EMILIN1: variants seen among roughly 807,000 people sequenced by gnomAD.
EMILIN1 encodes the protein EMILIN-1.
In EMILIN1, 49 loss-of-function variants were observed where a neutral mutation model predicts 82.4. The observed-to-expected ratio is 0.59, with a 90% CI of 0.47 to 0.75. The LOEUF (loss-of-function observed/expected upper bound fraction) is 0.75. EMILIN1 is among the 30% of genes least tolerant of loss of function. The probability of loss-of-function intolerance (pLI) is 0.00; values close to 1 mark genes in which losing one functional copy is unlikely to be tolerated. For synonymous variants in EMILIN1, 604 were observed against 602.2 expected (o/e 1.00, Z -0.04); for missense variants, 1,313 against 1,366.4 (o/e 0.96, Z 0.62).
Position 27,083,829 on chromosome 2 carries a change from G to C in EMILIN1, c.2258G>C (p.Arg753Thr). The C allele has an allele frequency of 6.3e-7, 1 of 1,598,860 alleles. No individual in the cohort carries two copies. The highest frequency in any genetic ancestry group is 2.3e-5 in the East Asian group (1 of 44,424). The change falls in exon 4 of 8, where the codon AGA (arginine) becomes ACA (threonine). Residue 753 changes from arginine to threonine, a missense_variant. Coordinates refer to ENST00000380320, the MANE Select transcript of EMILIN1 (RefSeq NM_007046.4). ...GLQGLREGLS[R>T]HVAGLWAGLR... Reference sequence around the variant, plus strand: ...CAGGGCCTGCGCGAGGGCCTTTCCAGACACGTGGCTGGGCTCTGGGCTGGG... The same window carrying C: ...CAGGGCCTGCGCGAGGGCCTTTCCACACACGTGGCTGGGCTCTGGGCTGGG...
At chr2:27,085,107 G>T (rs1669578664) in intron 6 of EMILIN1, 53 bp from the exon 7 acceptor site, 1 of 1,613,368 alleles carries the variant, frequency 6.2e-7, no homozygotes, top group Non-Finnish European at 8.5e-7. Flanking sequence ...CAGGGGAAGG[G>T]GGCTGGCACT....
chr2:27,083,089 C>T lies in EMILIN1; in HGVS notation c.1518C>T (p.Asp506=), dbSNP rs1380283849. ...ILSALERRVL[D]SEGQLRLVGS... ...GTGCCTTGGAGCGCAGGGTGCTGGA[C>T]AGTGAGGGGCAGCTGCGGCTGGTGG... Residue 506 remains aspartate, a synonymous_variant, in exon 4 of 8, where the codon GAC becomes GAT. Transcript: ENST00000380320. 1 of 1,559,866 alleles carries T rather than the reference C, an allele frequency of 6.4e-7. No individual in the cohort carries two copies. The highest frequency in any genetic ancestry group is 1.4e-5 in the African/African-American group (1 of 73,732).
intron 1 of EMILIN1, among the ~76,000 whole-genome samples, 178 bp from the exon 2 acceptor site, chr2:27,079,973 C>T (rs1379888642): frequency 1.3e-5 from 2 of 152,254 alleles, no homozygotes; most frequent in Non-Finnish European, 2.9e-5. Flanking sequence ...TTTATCTGCT[C>T]CTGCTACACA....
chr2:27,083,017 CTCTGG>C lies in EMILIN1; in HGVS notation c.1447_1451del (p.Ser483GlyfsTer24). On this transcript the variant is annotated frameshift_variant, in exon 4 of 8. Coordinates refer to ENST00000380320, the MANE Select transcript of EMILIN1 (RefSeq NM_007046.4). LOFTEE classifies it high-confidence loss of function. ...CCATGCAGGCATGCGGGCAGCTCTG[CTCTGG>C]GGCCCCTGGGGAGCAGGACTCTCAA... The C allele has an allele frequency of 6.4e-7, 1 of 1,555,282 alleles. No homozygotes were observed. The highest frequency in any genetic ancestry group is 8.7e-7 in the Non-Finnish European group (1 of 1,150,804).
In EMILIN1 at chr2:27,080,811, T is replaced by C. The variant is rs747792152; in HGVS notation, c.370T>C (p.Tyr124His). 20 of 1,613,590 alleles carry C rather than the reference T, an allele frequency of 1.2e-5. No individual in the cohort carries two copies. Among genetic ancestry groups the C allele is most frequent in the Non-Finnish European group, 1.6e-5 (19 of 1,179,956 alleles). Residue 124 changes from tyrosine to histidine, a missense_variant, in exon 3 of 8, where the codon TAT becomes CAT. By Grantham distance (83) the Tyr-to-His change is moderately conservative. Transcript: ENST00000380320. The part of the protein sequence containing the change: ...TDMEWRCCQG[Y>H]GGDDCAESPA... ...CATGGAGTGGAGGTGCTGTCAGGGT[T>C]ATGGGGGCGATGACTGTGCTGAGAG...
At position 27,082,690 on chromosome 2, in the gene EMILIN1, C is replaced by G; in HGVS notation, c.1119C>G (p.Ala373=). 1 of 1,553,788 alleles carries G rather than the reference C, an allele frequency of 6.4e-7. No homozygotes were observed. Among genetic ancestry groups the G allele is most frequent in the Non-Finnish European group, 8.7e-7 (1 of 1,153,262 alleles). ...AELERRLDVV[A]GSVTVLSGRR... ...TGGAGCGCAGGCTGGATGTCGTGGC[C>G]GGCTCAGTGACAGTGCTGAGTGGGC... The change falls in exon 4 of 8, where the codon GCC becomes GCG. Residue 373 remains alanine, a synonymous_variant. Coordinates refer to ENST00000380320, the MANE Select transcript of EMILIN1 (RefSeq NM_007046.4).
In EMILIN1 at chr2:27,078,914, A is replaced by T; in HGVS notation, c.-152A>T. The T allele has an allele frequency of 1.8e-6, 1 of 554,928 alleles. No homozygotes were observed. Among genetic ancestry groups the T allele is most frequent in the Non-Finnish European group, 3.1e-6 (1 of 325,584 alleles). The allele number at this position is 554,928 out of a possible 1,614,324, so 34.4% of individuals were successfully genotyped here. A position where few individuals can be genotyped will look rare whatever the true frequency, so the allele number is the denominator to read the frequency against. On this transcript the variant is annotated 5_prime_UTR_variant, in exon 1 of 8. Coordinates refer to ENST00000380320, the MANE Select transcript of EMILIN1 (RefSeq NM_007046.4). ...GAGGGGTCAGGCCAGGCAGCCAAGG[A>T]GAAGACGTGTGGCCGGGGGCTATCA...
intron 1 of EMILIN1, among the ~76,000 whole-genome samples, chr2:27,079,846 G>A (rs1669443276): frequency 1.3e-5 from 2 of 152,194 alleles, no homozygotes; most frequent in African/African-American, 4.8e-5. Context: ...ACTGAGACAG[G>A]CCCAGAAAGG....
In EMILIN1 at chr2:27,082,510, C is replaced by T. The variant is rs1669498120; in HGVS notation, c.939C>T (p.Arg313=). 2.6e-6 allele frequency: 4 copies of T among 1,545,982 alleles called. No individual in the cohort carries two copies. In the African/African-American group the frequency reaches 5.5e-5, roughly 21 times the overall value. The change falls in exon 4 of 8, where the codon CGC becomes CGT. Residue 313 remains arginine (R), a synonymous_variant. Coordinates refer to ENST00000380320, the MANE Select transcript of EMILIN1 (RefSeq NM_007046.4). The stretch of plus-strand genomic sequence containing the variant: ...GCCTGGCCGGGCTAGATGGCTTCCG[C>T]CGGCAGCAGCAGGAGGACAGGGAGC... ...SVCLAGLDGF[R]RQQQEDRERL...
rs557019258 is a variant in EMILIN1 at position 27,082,530 on chromosome 2, G to C, written c.959G>C (p.Arg320Thr). The C allele has an allele frequency of 6.5e-7, 1 of 1,543,834 alleles. No homozygotes were observed. Among genetic ancestry groups the C allele is most frequent in the East Asian group, 2.5e-5 (1 of 40,784 alleles). Residue 320 changes from arginine (R) to threonine (T), a missense_variant, in exon 4 of 8, where the codon AGG becomes ACG. Physicochemically the swap from Arg to Thr is moderately conservative, Grantham distance 71. Coordinates refer to ENST00000380320, the MANE Select transcript of EMILIN1 (RefSeq NM_007046.4). ...DGFRRQQQED[R>T]ERLRAMEKLL... ...TTCCGCCGGCAGCAGCAGGAGGACA[G>C]GGAGCGGCTGCGAGCGATGGAGAAG...
intron 1 of EMILIN1, among the ~76,000 whole-genome samples, chr2:27,079,629 G>A (rs1364364673): frequency 6.6e-6 from 1 of 152,312 alleles, no homozygotes; most frequent in Middle Eastern, 3.4e-3. Flanking sequence ...CAGCCCTCCA[G>A]CCAGACACAG....
rs1669516207 is a variant in EMILIN1 at position 27,083,195 on chromosome 2, C to T, written c.1624C>T (p.Leu542Phe). ...GGGATTACAAGAGGTTGTGGGCCGG[C>T]TCCAGGATCGTGTGGATGCCCAGGA... Reference protein sequence around the residue: ...LEGLQEVVGRLQDRVDAQDET... With the variant: ...LEGLQEVVGRFQDRVDAQDET... The change falls in exon 4 of 8, where the codon CTC (leucine) becomes TTC (phenylalanine). Residue 542 changes from leucine to phenylalanine, a missense_variant. Transcript: ENST00000380320. 1.2e-6 allele frequency: 2 copies of T among 1,611,406 alleles called. No homozygotes were observed. The highest frequency in any genetic ancestry group is 2.7e-5 in the African/African-American group (2 of 74,864).
At chr2:27,081,506 G>A (rs1669476481) in intron 3 of EMILIN1, among the ~76,000 whole-genome samples, 1 of 152,156 alleles carries the variant, frequency 6.6e-6, no homozygotes, top group African/African-American at 2.4e-5. Context: ...TATGCAAACA[G>A]GAACTCCTGG....
rs202019073 is a variant in EMILIN1 at position 27,085,859 on chromosome 2, G to C, written c.2895G>C (p.Pro965=). The change falls in exon 8 of 8, where the codon CCG becomes CCC. Residue 965 remains proline, a synonymous_variant. Transcript: ENST00000380320. ...NKPVAESQPS[P]GTLGVFSLIL... ...CGGTGGCCGAGAGCCAGCCCAGCCC[G>C]GGCACCCTGGGCGTCTTCAGCCTCA... is the stretch of plus-strand genomic sequence containing the variant. 345 of 1,601,864 alleles carry C rather than the reference G, an allele frequency of 2.2e-4. No individual in the cohort carries two copies. The African/African-American group carries it at 4.2e-3, about 20-fold the overall frequency.
At position 27,086,004 on chromosome 2, in the gene EMILIN1, G is replaced by A. The variant is rs1412741932; in HGVS notation, c.3040G>A (p.Glu1014Lys). ...GALLYGDPEL[E>K]HA Reference sequence around the variant, plus strand: ...CCTGCTCTATGGGGACCCAGAGCTTGAACACGCGTAGACTGGGGTCCCGCC... The same window carrying A: ...CCTGCTCTATGGGGACCCAGAGCTTAAACACGCGTAGACTGGGGTCCCGCC... Residue 1014 changes from glutamate to lysine, a missense_variant, in exon 8 of 8, where the codon GAA becomes AAA. Coordinates refer to ENST00000380320, the MANE Select transcript of EMILIN1 (RefSeq NM_007046.4). 6.9e-7 allele frequency: 1 copy of A among 1,456,484 alleles called. No individual in the cohort carries two copies. The highest frequency in any genetic ancestry group is 2.5e-5 in the East Asian group (1 of 39,834). 90.2% of individuals were successfully genotyped at this position (1,456,484 alleles called of 1,614,324 possible). A position where few individuals can be genotyped will look rare whatever the true frequency, so the allele number is the denominator to read the frequency against.
At chr2:27,081,043 C>A in intron 3 of EMILIN1, 91 bp downstream of exon 3, 1 of 1,000,812 alleles carries the variant, frequency 1.0e-6, no homozygotes, top group Non-Finnish European at 1.5e-6. Flanking sequence ...GGGGAGTCCC[C>A]CGTGCTCTAT....
chr2:27,084,153 A>C (rs1223662194), intron 4 of EMILIN1, 142 bp downstream of exon 4: 14 of 1,025,962 alleles, frequency 1.4e-5, no homozygotes, highest in Non-Finnish European at 1.8e-5. Context: ...TCCAGGTGTT[A>C]TAGTTTGCCT....
intron 1 of EMILIN1, among the ~76,000 whole-genome samples, chr2:27,079,939 C>T (rs547506457): frequency 1.3e-5 from 2 of 152,228 alleles, no homozygotes; most frequent in Non-Finnish European, 2.9e-5. Flanking sequence ...TTCCATTCTG[C>T]GCGTCTCCCC....
At position 27,082,140 on chromosome 2, in the gene EMILIN1, A is replaced by G; in HGVS notation, c.569A>G (p.Lys190Arg). 1 of 1,613,744 alleles carries G rather than the reference A, an allele frequency of 6.2e-7. No homozygotes were observed. Among genetic ancestry groups the G allele is most frequent in the Non-Finnish European group, 8.5e-7 (1 of 1,179,988 alleles). ...GAGGAACAGGTGCAGAGCCTGACCA[A>G]GGAGCTGCAAGGCCTGCGGGGCGTC... ...QLEEQVQSLT[K>R]ELQGLRGVLQ... Residue 190 changes from lysine (K) to arginine (R), a missense_variant, in exon 4 of 8, where the codon AAG becomes AGG. Coordinates refer to ENST00000380320, the MANE Select transcript of EMILIN1 (RefSeq NM_007046.4).
Sources: gnomAD v4.1 joint callset for allele counts (sites outside exome capture counted in the v4.1 genomes callset) on GRCh38, gnomAD v4.1.1 for gene constraint, MANE v1.5 for transcripts, NCBI Gene and HGNC (gene_info 2026-07-23, HGNC 2026-07-21) for gene names.